The following MPPED1 variants were observed in gnomAD, a reference collection of about 807,000 sequenced individuals.
The protein encoded by MPPED1 is metallophosphoesterase domain-containing protein 1.
Under a neutral mutation model 36.2 loss-of-function variants are expected in MPPED1, and 16 were observed. That is an observed-to-expected ratio of 0.44 (90% CI 0.30 to 0.67). The LOEUF is 0.67. Among genes scored for constraint, MPPED1 ranks in the 30% least tolerant of loss-of-function variants. MPPED1 has a pLI of 0.10. For synonymous variants in MPPED1, 199 were observed against 191.3 expected (o/e 1.04, Z -0.33); for missense variants, 307 against 453.4 (o/e 0.68, Z 2.93).
At chr22:43,418,473 T>A in intron 1 of MPPED1, 1 of 282,284 alleles carries the variant, frequency 3.5e-6, no homozygotes, top group South Asian at 3.4e-5. Context: ...GCTGAGATGC[T>A]CTGTGTGAGC....
intron 2 of MPPED1, 149 bp from the exon 3 acceptor site, chr22:43,434,885 C>T: frequency 1.2e-6 from 1 of 826,132 alleles, no homozygotes; most frequent in Non-Finnish European, 1.9e-6. Context: ...GGGTGGACCC[C>T]TGGGAAGGCT....
chr22:43,453,327 C>A (rs977249402), intron 3 of MPPED1, among the ~76,000 whole-genome samples: 6 of 133,954 alleles, frequency 4.5e-5, no homozygotes, highest in African/African-American at 1.2e-4. Flanking sequence ...CCGCACCACC[C>A]CCCCTGCCCC....
At chr22:43,455,634 C>A (rs1369433003) in intron 3 of MPPED1, among the ~76,000 whole-genome samples, 1 of 152,184 alleles carries the variant, frequency 6.6e-6, no homozygotes, top group African/African-American at 2.4e-5. Flanking sequence ...TTCCGACATA[C>A]TTTTCAGAGC....
At chr22:43,500,128 AGG>A in intron 5 of MPPED1, among the ~76,000 whole-genome samples, 2 of 49,222 alleles carry the variant, frequency 4.1e-5, no homozygotes, top group Non-Finnish European at 8.8e-5. Context: ...GTGGTGATGG[AGG>A]TGGTAATGGA....
chr22:43,459,288 G>T (rs887281550), intron 3 of MPPED1, among the ~76,000 whole-genome samples: 4 of 152,010 alleles, frequency 2.6e-5, no homozygotes, highest in African/African-American at 4.8e-5. Context: ...GCCATGATGG[G>T]GTATTGCCAG....
intron 1 of MPPED1, among the ~76,000 whole-genome samples, chr22:43,422,378 T>C (rs1409373105): frequency 6.6e-6 from 1 of 152,176 alleles, no homozygotes; most frequent in Non-Finnish European, 1.5e-5. Flanking sequence ...AACAAGAGCA[T>C]GGCCCCTGTG....
chr22:43,435,516 A>G (rs1929928118), intron 3 of MPPED1, among the ~76,000 whole-genome samples: 1 of 151,870 alleles, frequency 6.6e-6, no homozygotes, highest in Non-Finnish European at 1.5e-5. Flanking sequence ...TTGTCCATTT[A>G]TGTGTCCAGG....
chr22:43,498,007 T>C (rs1457181226), intron 4 of MPPED1, among the ~76,000 whole-genome samples: 1 of 149,652 alleles, frequency 6.7e-6, no homozygotes, highest in East Asian at 1.9e-4. Flanking sequence ...AAACAGAAAC[T>C]GCAGGTAAGC....
intron 1 of MPPED1, among the ~76,000 whole-genome samples, chr22:43,422,995 C>T (rs530827693): frequency 3.9e-4 from 59 of 152,252 alleles, no homozygotes; most frequent in African/African-American, 1.4e-3. Flanking sequence ...CACCACAGTG[C>T]CCGGCTAATT....
At chr22:43,487,431 G>A (rs983032798) in intron 4 of MPPED1, among the ~76,000 whole-genome samples, 2 of 152,246 alleles carry the variant, frequency 1.3e-5, no homozygotes, top group African/African-American at 4.8e-5. Flanking sequence ...AGAATGACCT[G>A]GAAGGTGGGC....
At chr22:43,486,159 T>C (rs1163570346) in intron 4 of MPPED1, among the ~76,000 whole-genome samples, 1 of 131,810 alleles carries the variant, frequency 7.6e-6, no homozygotes, top group East Asian at 2.6e-4. Flanking sequence ...CTGGTCTCCA[T>C]GCAGGCATGC....
chr22:43,427,845 C>T (rs900630961), intron 2 of MPPED1, among the ~76,000 whole-genome samples: 5 of 152,054 alleles, frequency 3.3e-5, no homozygotes, highest in African/African-American at 1.2e-4. Flanking sequence ...CTGCATAGCT[C>T]GGAAAGCTGG....
intron 3 of MPPED1, among the ~76,000 whole-genome samples, chr22:43,458,847 C>G (rs760944206): frequency 1.3e-5 from 2 of 152,256 alleles, no homozygotes; most frequent in African/African-American, 4.8e-5. Context: ...TTTGTATATC[C>G]CACTGCCTTC....
At chr22:43,414,415 G>A (rs1601940149) in intron 1 of MPPED1, among the ~76,000 whole-genome samples, 3 of 152,180 alleles carry the variant, frequency 2.0e-5, no homozygotes, top group South Asian at 4.1e-4. Context: ...AGCATTCTGG[G>A]TGCGGGTCTG....
chr22:43,437,410 G>A (rs956922850), intron 3 of MPPED1, among the ~76,000 whole-genome samples: 1 of 152,180 alleles, frequency 6.6e-6, no homozygotes, highest in Non-Finnish European at 1.5e-5. Context: ...TTACAGAGGA[G>A]AAAACCAAGT....
chr22:43,444,929 AT>A (rs1930284751), intron 3 of MPPED1, among the ~76,000 whole-genome samples: 1 of 152,186 alleles, frequency 6.6e-6, no homozygotes, highest in African/African-American at 2.4e-5. Flanking sequence ...AATATTGATG[AT>A]AAATTAAAAG....
intron 1 of MPPED1, chr22:43,416,947 G>T (rs964742895): frequency 1.5e-5 from 15 of 984,582 alleles, no homozygotes; most frequent in Non-Finnish European, 1.8e-5. Flanking sequence ...CCGGCGAGCC[G>T]ACTGCATTCA....
chr22:43,430,087 G>A (rs568289554), intron 2 of MPPED1, among the ~76,000 whole-genome samples: 54 of 152,308 alleles, frequency 3.5e-4, no homozygotes, highest in African/African-American at 1.1e-3. Flanking sequence ...TGTAAAATGA[G>A]AGGAAGGGAC....
At chr22:43,471,063 G>A (rs997442333) in intron 3 of MPPED1, among the ~76,000 whole-genome samples, 2 of 152,262 alleles carry the variant, frequency 1.3e-5, no homozygotes, top group African/African-American at 4.8e-5. Flanking sequence ...GTCATCAGCT[G>A]CTGAGGTGAG....
Sources: gnomAD v4.1 joint callset for allele counts (sites outside exome capture counted in the v4.1 genomes callset) on GRCh38, gnomAD v4.1.1 for gene constraint, MANE v1.5 for transcripts, NCBI Gene and HGNC (gene_info 2026-07-23, HGNC 2026-07-21) for gene names.